Variants in RIT2 observed in about 807,000 individuals in gnomAD.
RIT2 encodes the protein Ras like without CAAX 2.
Under a neutral mutation model 23.7 loss-of-function variants are expected in RIT2, and 24 were observed. That is an observed-to-expected ratio of 1.01 (90% CI 0.73 to 1.43). The LOEUF (loss-of-function observed/expected upper bound fraction) is 1.43. RIT2 is among the 40% of genes most tolerant of loss of function. RIT2 has a pLI of 0.00. For synonymous variants in RIT2, 107 were observed against 91.1 expected (o/e 1.17, Z -0.99); for missense variants, 236 against 266.9 (o/e 0.88, Z 0.81).
intron 2 of RIT2, among the ~76,000 whole-genome samples, chr18:43,013,865 C>G (rs1267989024): frequency 3.3e-5 from 5 of 151,698 alleles, no homozygotes; most frequent in Admixed American, 1.3e-4. Flanking sequence ...AAACTAGGTC[C>G]TTTTGGTTTC....
At chr18:42,971,172 A>G (rs1001065588) in intron 3 of RIT2, among the ~76,000 whole-genome samples, 2 of 152,032 alleles carry the variant, frequency 1.3e-5, no homozygotes, top group Non-Finnish European at 2.9e-5. Context: ...AAAAGACAAC[A>G]AGGTGATATT....
intron 1 of RIT2, among the ~76,000 whole-genome samples, chr18:43,041,654 T>C (rs570451576): frequency 6.6e-6 from 1 of 152,276 alleles, no homozygotes; most frequent in Non-Finnish European, 1.5e-5. Context: ...CAAACACATT[T>C]TGTGTGGACG....
At chr18:42,956,480 G>T (rs560610876) in intron 3 of RIT2, among the ~76,000 whole-genome samples, 4 of 152,252 alleles carry the variant, frequency 2.6e-5, no homozygotes, top group East Asian at 3.9e-4. Context: ...AGAGATAAAT[G>T]AAACATGTAC....
At chr18:43,105,919 A>G (rs1400701314) in intron 1 of RIT2, among the ~76,000 whole-genome samples, 2 of 152,172 alleles carry the variant, frequency 1.3e-5, no homozygotes, top group Non-Finnish European at 2.9e-5. Context: ...CATTCTACAG[A>G]TTGAAGGTTG....
intron 4 of RIT2, among the ~76,000 whole-genome samples, chr18:42,904,987 T>C (rs1908572603): frequency 6.6e-6 from 1 of 152,204 alleles, no homozygotes; most frequent in Admixed American, 6.5e-5. Context: ...TCCCAGAGGA[T>C]GTATACATAA....
chr18:42,775,551 G>A lies in RIT2; in HGVS notation c.427-31831C>T, dbSNP rs558585264. On this transcript the variant is annotated intron_variant, in intron 4 of 4. Transcript: ENST00000326695. ...CTCTACTAAAAATACAAAAAAATTA[G>A]CCGGTCGTGGTGGCGGGCGCCTGTA... is the stretch of plus-strand genomic sequence containing the variant. 8.5e-5 allele frequency among the ~76,000 whole-genome samples: 13 copies of A among 152,148 alleles called. No homozygotes were observed. In the East Asian group the frequency reaches 2.5e-3, roughly 29 times the overall value.
intron 4 of RIT2, among the ~76,000 whole-genome samples, chr18:42,807,798 T>C (rs1905726912): frequency 7.0e-6 from 1 of 142,146 alleles, no homozygotes; most frequent in Admixed American, 7.1e-5. Context: ...TGAATGTGTG[T>C]GTGTGTGTGT....
At chr18:42,839,446 C>A (rs1906704932) in intron 4 of RIT2, among the ~76,000 whole-genome samples, 1 of 152,102 alleles carries the variant, frequency 6.6e-6, no homozygotes, top group Non-Finnish European at 1.5e-5. Flanking sequence ...ATATCTTGGC[C>A]TGGGTTGACT....
chr18:43,071,991 T>A (rs368147281), intron 1 of RIT2, among the ~76,000 whole-genome samples: 1 of 148,640 alleles, frequency 6.7e-6, no homozygotes, highest in African/African-American at 2.5e-5. Flanking sequence ...GTTGTTGTTG[T>A]TGTTTTGTTT....
At position 43,041,472 on chromosome 18, in the gene RIT2, G is replaced by A. The variant is rs192026479; in HGVS notation, c.104-7605C>T. On this transcript the variant is annotated intron_variant, in intron 1 of 4. Coordinates refer to ENST00000326695, the MANE Select transcript of RIT2 (RefSeq NM_002930.4). ...AGTACCTGATGGATTTCATATCAAA[G>A]ACCCTTTTTCTTTATTAGTGGCTAT... Among the ~76,000 whole-genome samples, 659 of 152,162 alleles carry A rather than the reference G, an allele frequency of 4.3e-3. 4 individuals are homozygous for A. Among genetic ancestry groups the A allele is most frequent in the African/African-American group, 0.015 (633 of 41,540 alleles).
intron 1 of RIT2, among the ~76,000 whole-genome samples, chr18:43,044,415 G>A (rs1212505920): frequency 6.6e-6 from 1 of 152,066 alleles, no homozygotes; most frequent in Non-Finnish European, 1.5e-5. Flanking sequence ...TGGTGGTTTG[G>A]TGCTTTCCAG....
intron 4 of RIT2, among the ~76,000 whole-genome samples, chr18:42,836,297 T>A (rs1906601267): frequency 6.6e-6 from 1 of 152,150 alleles, no homozygotes; most frequent in Admixed American, 6.5e-5. Flanking sequence ...AGATTCCGTA[T>A]CTATTTTAGA....
intron 1 of RIT2, among the ~76,000 whole-genome samples, chr18:43,100,135 G>A (rs781301434): frequency 5.3e-5 from 8 of 152,060 alleles, no homozygotes; most frequent in Non-Finnish European, 7.4e-5. Context: ...CCAAAGAAAC[G>A]GAGATTTGGA....
intron 1 of RIT2, among the ~76,000 whole-genome samples, chr18:43,076,070 G>A (rs1913006500): frequency 6.6e-6 from 1 of 152,224 alleles, no homozygotes; most frequent in Non-Finnish European, 1.5e-5. Context: ...GGCATTCCTA[G>A]ACAGGTTCCT....
At chr18:42,899,430 G>C (rs534856814) in intron 4 of RIT2, among the ~76,000 whole-genome samples, 3 of 151,864 alleles carry the variant, frequency 2.0e-5, no homozygotes, top group African/African-American at 7.2e-5. Context: ...TGTCTACAGT[G>C]TCCCATATGT....
At chr18:42,787,182 C>T (rs1913941665) in intron 4 of RIT2, among the ~76,000 whole-genome samples, 1 of 138,406 alleles carries the variant, frequency 7.2e-6, no homozygotes, top group Non-Finnish European at 1.5e-5. Flanking sequence ...TCCTGTGTCC[C>T]AGTGTTCTCA....
intron 4 of RIT2, among the ~76,000 whole-genome samples, chr18:42,753,181 G>A (rs929499458): frequency 2.0e-5 from 3 of 152,116 alleles, no homozygotes; most frequent in Non-Finnish European, 4.4e-5. Context: ...CAAGCATCCT[G>A]GCCAATTAGA....
At chr18:42,828,102 T>C (rs1261394243) in intron 4 of RIT2, among the ~76,000 whole-genome samples, 1 of 152,102 alleles carries the variant, frequency 6.6e-6, no homozygotes, top group Non-Finnish European at 1.5e-5. Flanking sequence ...AGGAAGAAGT[T>C]TGACAATCGT....
chr18:42,780,022 T>A (rs1022077956), intron 4 of RIT2, among the ~76,000 whole-genome samples: 1 of 145,198 alleles, frequency 6.9e-6, no homozygotes, highest in Non-Finnish European at 1.5e-5. Flanking sequence ...AAAAATCAAA[T>A]GCCTAGTCAA....
Sources: gnomAD v4.1 joint callset for allele counts (sites outside exome capture counted in the v4.1 genomes callset) on GRCh38, gnomAD v4.1.1 for gene constraint, MANE v1.5 for transcripts, NCBI Gene and HGNC (gene_info 2026-07-23, HGNC 2026-07-21) for gene names.